SUPT5H: variants seen among roughly 807,000 people sequenced by gnomAD.
The protein encoded by SUPT5H is SPT5 homolog, DSIF elongation factor subunit.
SUPT5H carries 24 observed loss-of-function variants against 142.5 expected under a neutral mutation model. The observed-to-expected ratio is 0.17, with a 90% CI of 0.12 to 0.24. SUPT5H has a LOEUF of 0.24. Ranked by LOEUF, SUPT5H falls within the 10% of genes least tolerant of loss-of-function variation. SUPT5H has a pLI of 1.00. For missense variants in SUPT5H, 893 were observed against 1,471.8 expected (o/e 0.61, Z 6.43); for synonymous variants, 546 against 553.0 (o/e 0.99, Z 0.18).
At chr19:39,451,874 G>A (rs2079026886) in intron 2 of SUPT5H, among the ~76,000 whole-genome samples, 2 of 152,166 alleles carry the variant, frequency 1.3e-5, no homozygotes, top group South Asian at 4.1e-4. Flanking sequence ...CCTGTATTAG[G>A]TAAATGGATT....
At chr19:39,449,926 C>T (rs1159593014) in intron 2 of SUPT5H, among the ~76,000 whole-genome samples, 2 of 148,382 alleles carry the variant, frequency 1.3e-5, no homozygotes, top group African/African-American at 5.0e-5. Context: ...AGGCATGAGC[C>T]ACCACGCTAA....
chr19:39,453,481 C>A lies in SUPT5H; in HGVS notation c.201C>A (p.Pro67=). ...EEEEEDDDRP[P]KKPRHGGFIL... is the part of the protein sequence containing the mutation. ...AGGAAGAAGATGATGACCGACCCCC[C>A]AAGAAACCCCGCCATGGAGGCTTCA... Residue 67 remains proline, a synonymous_variant, in exon 3 of 30, where the codon CCC becomes CCA. Coordinates refer to ENST00000432763, the MANE Select transcript of SUPT5H (RefSeq NM_001111020.3). 1 of 1,549,764 alleles carries A rather than the reference C, an allele frequency of 6.5e-7. No homozygotes were observed. Among genetic ancestry groups the A allele is most frequent in the Non-Finnish European group, 8.7e-7 (1 of 1,145,794 alleles).
Position 39,473,650 on chromosome 19 carries a change from C to T in SUPT5H, c.2492+129C>T. On this transcript the variant is annotated intron_variant, in intron 25 of 29. Transcript: ENST00000432763. This position sits in a 1 kb window ranked among gnomAD's most constrained non-coding sequence, Gnocchi z 5.8. ...TCTGCTCCTAGCCTCAGGCTGGTCCCTTTGAAGGAGGAGGCATAGCATGGC... is the reference window on the plus strand; with the variant it reads ...TCTGCTCCTAGCCTCAGGCTGGTCCTTTTGAAGGAGGAGGCATAGCATGGC... 1 of 1,146,542 alleles carries T rather than the reference C, an allele frequency of 8.7e-7. No individual in the cohort carries two copies. Among genetic ancestry groups the T allele is most frequent in the South Asian group, 1.5e-5 (1 of 66,048 alleles). 71.0% of individuals were successfully genotyped at this position (1,146,542 alleles called of 1,614,324 possible). A position where few individuals can be genotyped will look rare whatever the true frequency, so the allele number is the denominator to read the frequency against.
chr19:39,468,826 G>C lies in SUPT5H; in HGVS notation c.1108G>C (p.Gly370Arg), dbSNP rs1307044520. The change falls in exon 14 of 30, where the codon GGC becomes CGC. Residue 370 changes from glycine to arginine, a missense_variant. Around this residue, in one of 6 missense-constraint regions of SUPT5H, gnomAD observed 428 missense variants for 763.5 expected, o/e 0.56. Coordinates refer to ENST00000432763, the MANE Select transcript of SUPT5H (RefSeq NM_001111020.3). ...TGAGGGGAACCGTTACAGCCGGAAG[G>C]GCTTTCTGTTCAAGAGCTTCGCCAT... ...IFEGNRYSRK[G>R]FLFKSFAMSA... The C allele has an allele frequency of 3.1e-6, 5 of 1,614,058 alleles. No individual in the cohort carries two copies. Among genetic ancestry groups the C allele is most frequent in the Non-Finnish European group, 4.2e-6 (5 of 1,180,040 alleles).
Position 39,459,667 on chromosome 19 carries a change from G to A in SUPT5H, c.555+78G>A. 4.4e-6 allele frequency: 7 copies of A among 1,575,398 alleles called. No individual in the cohort carries two copies. The South Asian group carries it at 5.6e-5, about 13-fold the overall frequency. ...CTTTGTGGGGGAGAAGTGTCTGTCTGTCCCGGGTCTCCGTGGCCTGCCAGT... is the reference window on the plus strand; with the variant it reads ...CTTTGTGGGGGAGAAGTGTCTGTCTATCCCGGGTCTCCGTGGCCTGCCAGT... On this transcript the variant is annotated intron_variant, in intron 9 of 29. Coordinates refer to ENST00000432763, the MANE Select transcript of SUPT5H (RefSeq NM_001111020.3).
Position 39,464,872 on chromosome 19 carries a change from C to T in SUPT5H, c.699C>T (p.Thr233=), listed in dbSNP as rs773218556. 4.3e-6 allele frequency: 7 copies of T among 1,614,174 alleles called. No homozygotes were observed. In the South Asian group the frequency reaches 4.4e-5, roughly 10 times the overall value. Residue 233 remains threonine (T), a synonymous_variant, in exon 11 of 30, where the codon ACC becomes ACT. Coordinates refer to ENST00000432763, the MANE Select transcript of SUPT5H (RefSeq NM_001111020.3). Reference sequence around the variant, plus strand: ...TCTACGTGGAGGCCTACAAGCAGACCCACGTGAAGCAGGCCATTGAGGGGG... The same window carrying T: ...TCTACGTGGAGGCCTACAAGCAGACTCACGTGAAGCAGGCCATTGAGGGGG... ...GYIYVEAYKQ[T]HVKQAIEGVG... is the part of the protein sequence containing the mutation.
chr19:39,462,456 G>A (rs532093190), intron 10 of SUPT5H, among the ~76,000 whole-genome samples: 15 of 152,116 alleles, frequency 9.9e-5, no homozygotes, highest in African/African-American at 2.7e-4. Flanking sequence ...ACAATATGTC[G>A]CCTTTCGTGA....
Position 39,472,525 on chromosome 19 carries a change from G to C in SUPT5H, c.2035+32G>C, listed in dbSNP as rs1431833081. 6.2e-7 allele frequency: 1 copy of C among 1,609,344 alleles called. No homozygotes were observed. Among genetic ancestry groups the C allele is most frequent in the African/African-American group, 1.3e-5 (1 of 74,818 alleles). ...GGGGTTCAGGGTCAGGGGATGTGGT[G>C]GGTAGAAGGGGCTGGAAGGAACTTG... On this transcript the variant is annotated intron_variant, in intron 21 of 29. Transcript: ENST00000432763. The surrounding 1 kb of genome is among the most constrained non-coding windows in gnomAD (Gnocchi z 4.2).
chr19:39,458,021 T>A lies in SUPT5H; in HGVS notation c.308-273T>A. ...GGGGTTGTAGGGTGGGCGAGCTCTG[T>A]CCCAAGATACCCCCCACTTCCTGGG... On this transcript the variant is annotated intron_variant, in intron 4 of 29. Coordinates refer to ENST00000432763, the MANE Select transcript of SUPT5H (RefSeq NM_001111020.3). This position sits in a 1 kb window ranked among gnomAD's most constrained non-coding sequence, Gnocchi z 4.2. The A allele has an allele frequency of 1.4e-6, 1 of 730,652 alleles. No homozygotes were observed. The highest frequency in any genetic ancestry group is 2.3e-6 in the Non-Finnish European group (1 of 443,036). 45.3% of individuals were successfully genotyped at this position (730,652 alleles called of 1,614,324 possible).
Position 39,474,340 on chromosome 19 carries a change from G to A in SUPT5H, c.2758G>A (p.Gly920Ser). 26 of 1,614,124 alleles carry A rather than the reference G, an allele frequency of 1.6e-5. No homozygotes were observed. Among genetic ancestry groups the A allele is most frequent in the Non-Finnish European group, 2.0e-5 (24 of 1,180,022 alleles). ...SYHQVAPSPAGYQNTHSPASY... is the reference protein window; with the variant it reads ...SYHQVAPSPASYQNTHSPASY... ...CCACCAGGTGGCGCCAAGCCCAGCA[G>A]GCTACCAGAATACCCACTCCCCAGC... The change falls in exon 27 of 30, where the codon GGC becomes AGC. Residue 920 changes from glycine (G) to serine (S), a missense_variant. By Grantham distance (56) the Gly-to-Ser change is moderately conservative. This residue lies in a region of SUPT5H where 336 missense variants were observed against 546.5 expected (regional missense o/e 0.61). Transcript: ENST00000432763. The surrounding 1 kb of genome is among the most constrained non-coding windows in gnomAD (Gnocchi z 6.5).
chr19:39,459,163 T>G, intron 7 of SUPT5H, 21 bp from the exon 8 acceptor site: 1 of 1,608,594 alleles, frequency 6.2e-7, no homozygotes, highest in African/African-American at 1.3e-5. Flanking sequence ...CACCCCTTCC[T>G]GACTGCCCTC....
At chr19:39,463,917 A>G (rs2079199119) in intron 10 of SUPT5H, among the ~76,000 whole-genome samples, 1 of 151,812 alleles carries the variant, frequency 6.6e-6, no homozygotes, top group African/African-American at 2.4e-5. Flanking sequence ...TGTCTCTGGT[A>G]GCAATTTTTG....
In SUPT5H at chr19:39,476,069, C is replaced by G. The variant is rs1476016858; in HGVS notation, c.3025-12C>G. ...AGCAGGACAGGCTGACCAGGCTGTC[C>G]CCATCCTCCAGGGGGGCATGTGCTC... On this transcript the variant is annotated splice_polypyrimidine_tract_variant and intron_variant, in intron 28 of 29. Transcript: ENST00000432763. 1 of 1,613,314 alleles carries G rather than the reference C, an allele frequency of 6.2e-7. No individual in the cohort carries two copies. Among genetic ancestry groups the G allele is most frequent in the African/African-American group, 1.3e-5 (1 of 74,846 alleles).
At position 39,458,473 on chromosome 19, in the gene SUPT5H, C is replaced by T; in HGVS notation, c.319+168C>T. ...TCAGGGAGTTCTGGGGCCAGGTATACCCCAGTTGTTGACCTGGGAAAGCAC... is the reference window on the plus strand; with the variant it reads ...TCAGGGAGTTCTGGGGCCAGGTATATCCCAGTTGTTGACCTGGGAAAGCAC... On this transcript the variant is annotated intron_variant, in intron 5 of 29. Transcript: ENST00000432763. This position sits in a 1 kb window ranked among gnomAD's most constrained non-coding sequence, Gnocchi z 4.2. The T allele has an allele frequency of 2.4e-6, 3 of 1,254,638 alleles. No individual in the cohort carries two copies. Among genetic ancestry groups the T allele is most frequent in the Middle Eastern group, 2.0e-4 (1 of 5,124 alleles). 77.7% of individuals were successfully genotyped at this position (1,254,638 alleles called of 1,614,324 possible). A position where few individuals can be genotyped will look rare whatever the true frequency, so the allele number is the denominator to read the frequency against.
chr19:39,458,045 G>T lies in SUPT5H; in HGVS notation c.308-249G>T. ...GTCCCAAGATACCCCCCACTTCCTG[G>T]GCCAGTGCCCCCCTTTCCCCGTTAT... On this transcript the variant is annotated intron_variant, in intron 4 of 29. Transcript: ENST00000432763. This position sits in a 1 kb window ranked among gnomAD's most constrained non-coding sequence, Gnocchi z 4.2. 1 of 736,752 alleles carries T rather than the reference G, an allele frequency of 1.4e-6. No individual in the cohort carries two copies. The highest frequency in any genetic ancestry group is 1.8e-5 in the African/African-American group (1 of 56,596). The allele number at this position is 736,752 out of a possible 1,614,324, so 45.6% of individuals were successfully genotyped here. A position where few individuals can be genotyped will look rare whatever the true frequency, so the allele number is the denominator to read the frequency against.
chr19:39,468,772 G>A lies in SUPT5H; in HGVS notation c.1054G>A (p.Val352Ile). Residue 352 changes from valine (V) to isoleucine (I), a missense_variant, in exon 14 of 30, where the codon GTT (valine) becomes ATT (isoleucine). By Grantham distance (29) the Val-to-Ile change is conservative (BLOSUM62 3). Transcript: ENST00000432763. ...AEKIRSLGGD[V>I]ASDGDFLIFE... ...AAATTCCAGGTCCCTGGGGGGTGAT[G>A]TTGCCTCTGATGGTGACTTCCTCAT... 5 of 1,614,130 alleles carry A rather than the reference G, an allele frequency of 3.1e-6. No homozygotes were observed. The highest frequency in any genetic ancestry group is 4.2e-6 in the Non-Finnish European group (5 of 1,180,020).
intron 3 of SUPT5H, among the ~76,000 whole-genome samples, chr19:39,454,938 G>A (rs1051661016): frequency 2.0e-5 from 3 of 152,212 alleles, no homozygotes; most frequent in Non-Finnish European, 4.4e-5. Flanking sequence ...TGTTGGTGGT[G>A]GAAGTGTTGG....
intron 11 of SUPT5H, among the ~76,000 whole-genome samples, chr19:39,465,542 G>A (rs1297010251): frequency 6.6e-6 from 1 of 152,222 alleles, no homozygotes; most frequent in Non-Finnish European, 1.5e-5. Flanking sequence ...TTCCCCAGGG[G>A]ACATTTGGTA....
Position 39,474,200 on chromosome 19 carries a change from C to T in SUPT5H, c.2652-34C>T, listed in dbSNP as rs760871054. The stretch of plus-strand genomic sequence containing the variant: ...CACCACCTCTTTTCCCCTCCCTCCT[C>T]CAACAAATGCCCCCTTCTCTCCTGT... On this transcript the variant is annotated intron_variant, in intron 26 of 29. Transcript: ENST00000432763. This position sits in a 1 kb window ranked among gnomAD's most constrained non-coding sequence, Gnocchi z 6.5. 35 of 1,613,596 alleles carry T rather than the reference C, an allele frequency of 2.2e-5. No homozygotes were observed. The highest frequency in any genetic ancestry group is 1.6e-4 in the Middle Eastern group (1 of 6,082).
Sources: allele counts gnomAD v4.1 joint callset (sites outside exome capture counted in the v4.1 genomes callset), GRCh38; gene constraint gnomAD v4.1.1; regional missense constraint gnomAD v4.1.1; non-coding constraint Gnocchi (gnomAD v3.1); transcripts MANE v1.5; gene names NCBI Gene and HGNC (gene_info 2026-07-23, HGNC 2026-07-21).